The following ARFIP1 variants were observed in gnomAD, a reference collection of about 807,000 sequenced individuals.
The protein encoded by ARFIP1 is arfaptin-1.
ARFIP1 carries 24 observed loss-of-function variants against 42.5 expected under a neutral mutation model. The ratio of observed to expected loss-of-function variants is 0.57; its 90% confidence interval spans 0.41 to 0.80. The LOEUF (loss-of-function observed/expected upper bound fraction) is 0.80. ARFIP1 is among the 30% of genes least tolerant of loss of function. The probability of loss-of-function intolerance (pLI) is 0.00; values close to 1 mark genes in which losing one functional copy is unlikely to be tolerated. For synonymous variants in ARFIP1, 141 were observed against 153.7 expected (o/e 0.92, Z 0.61); for missense variants, 354 against 434.0 (o/e 0.82, Z 1.64).
intron 2 of ARFIP1, among the ~76,000 whole-genome samples, chr4:152,852,479 A>G (rs940336714): frequency 1.3e-5 from 2 of 152,080 alleles, no homozygotes; most frequent in African/African-American, 4.8e-5. Context: ...AAAATACAAA[A>G]GAAATTAGCC....
rs2149920305 is a variant in ARFIP1, at chr4:152,910,847, C to T, written c.*628C>T. Reference sequence around the variant, plus strand: ...TTTAAAGACACAGAAATCACACTGTCATTTCTGTGAGGCTTTTAAGCTTAT... The same window carrying T: ...TTTAAAGACACAGAAATCACACTGTTATTTCTGTGAGGCTTTTAAGCTTAT... On this transcript the variant is annotated 3_prime_UTR_variant, in exon 9 of 9. Transcript: ENST00000353617. 6.6e-6 allele frequency: 1 copy of T among 152,312 alleles called. No homozygotes were observed. Among genetic ancestry groups the T allele is most frequent in the East Asian group, 1.9e-4 (1 of 5,188 alleles). The allele number at this position is 152,312 out of a possible 1,614,324, so 9.4% of individuals were successfully genotyped here.
At chr4:152,842,792 A>G (rs1160557166) in intron 2 of ARFIP1, among the ~76,000 whole-genome samples, 1 of 151,346 alleles carries the variant, frequency 6.6e-6, no homozygotes, top group Admixed American at 6.6e-5. Flanking sequence ...TATACTATCT[A>G]TTTCCTTGAA....
In ARFIP1 at chr4:152,873,118, T is replaced by G. The variant is rs190483141; in HGVS notation, c.411+554T>G. ...AGCAAATTATTTAACCCATATTGTA[T>G]TTGATGTATTACAAACAGCTCAACC... is the stretch of plus-strand genomic sequence containing the variant. On this transcript the variant is annotated intron_variant, in intron 5 of 8. Transcript: ENST00000353617. 3.3e-5 allele frequency among the ~76,000 whole-genome samples: 5 copies of G among 152,308 alleles called. No homozygotes were observed. The East Asian group carries it at 9.6e-4, about 29-fold the overall frequency.
intron 2 of ARFIP1, among the ~76,000 whole-genome samples, chr4:152,852,449 G>A (rs572166582): frequency 8.5e-5 from 13 of 152,152 alleles, no homozygotes; most frequent in Non-Finnish European, 1.3e-4. Context: ...TGGGCAACAC[G>A]GTGAAACCCT....
intron 1 of ARFIP1, among the ~76,000 whole-genome samples, chr4:152,809,185 T>C (rs1335588342): frequency 6.6e-6 from 1 of 152,212 alleles, no homozygotes; most frequent in African/African-American, 2.4e-5. Flanking sequence ...TCCTCTCTTA[T>C]ATAGGGCATG....
At chr4:152,818,136 A>C (rs1224362499) in intron 1 of ARFIP1, among the ~76,000 whole-genome samples, 1 of 152,246 alleles carries the variant, frequency 6.6e-6, no homozygotes, top group Non-Finnish European at 1.5e-5. Context: ...TGGAAAAACA[A>C]AATAGTGTGT....
chr4:152,876,988 TGG>T (rs1735403368), intron 5 of ARFIP1, among the ~76,000 whole-genome samples: 4 of 152,174 alleles, frequency 2.6e-5, no homozygotes, highest in Admixed American at 2.0e-4. Context: ...TGGAAATGCC[TGG>T]GTGCCCAGGC....
chr4:152,781,856 T>C (rs1178740577), intron 1 of ARFIP1, among the ~76,000 whole-genome samples: 1 of 152,218 alleles, frequency 6.6e-6, no homozygotes, highest in East Asian at 1.9e-4. Context: ...GGCCTAAGGG[T>C]CAACAACTTT....
intron 4 of ARFIP1, among the ~76,000 whole-genome samples, chr4:152,871,061 AACTT>A (rs2149883269): frequency 1.3e-5 from 2 of 152,360 alleles, no homozygotes; most frequent in East Asian, 3.9e-4. Context: ...TCACACCTGA[AACTT>A]AATCCATTTT....
At chr4:152,859,201 A>C in intron 2 of ARFIP1, among the ~76,000 whole-genome samples, 1 of 152,120 alleles carries the variant, frequency 6.6e-6, no homozygotes, top group East Asian at 1.9e-4. Flanking sequence ...AGCTAGGACT[A>C]TAGGCTCATG....
chr4:152,866,440 G>C (rs1734349117), intron 3 of ARFIP1, among the ~76,000 whole-genome samples: 1 of 151,962 alleles, frequency 6.6e-6, no homozygotes. Flanking sequence ...TCCCAGTAGG[G>C]GCGGCCGGGC....
rs138650358 is a variant in ARFIP1 at position 152,887,380 on chromosome 4, C to A, written c.792-753C>A. Reference sequence around the variant, plus strand: ...TGTTACATTCTGAATACTGATGTTACAGAAATTCATCTAGAGTTGTGTTGT... The same window carrying A: ...TGTTACATTCTGAATACTGATGTTAAAGAAATTCATCTAGAGTTGTGTTGT... On this transcript the variant is annotated intron_variant, in intron 7 of 8. Transcript: ENST00000353617. Among the ~76,000 whole-genome samples, 832 of 152,028 alleles carry A rather than the reference C, an allele frequency of 5.5e-3. 28 individuals are homozygous for A. Among genetic ancestry groups the A allele is most frequent in the East Asian group, 0.01 (53 of 5,178 alleles).
chr4:152,799,934 C>T (rs1427464455), intron 1 of ARFIP1, among the ~76,000 whole-genome samples: 2 of 152,130 alleles, frequency 1.3e-5, no homozygotes, highest in African/African-American at 2.4e-5. Context: ...GTCTGGATGA[C>T]GGTGATCTGA....
At chr4:152,812,778 C>G (rs1490845841) in intron 1 of ARFIP1, among the ~76,000 whole-genome samples, 1 of 152,160 alleles carries the variant, frequency 6.6e-6, no homozygotes, top group Non-Finnish European at 1.5e-5. Flanking sequence ...TTTCTAGTTG[C>G]CCAAGCCATA....
chr4:152,821,835 A>C (rs1198399617), intron 1 of ARFIP1, among the ~76,000 whole-genome samples: 3 of 152,212 alleles, frequency 2.0e-5, no homozygotes, highest in African/African-American at 7.2e-5. Context: ...TCCTATCTTT[A>C]GTCTCATTAA....
chr4:152,883,958 T>C (rs1736065665), intron 7 of ARFIP1, among the ~76,000 whole-genome samples: 1 of 151,996 alleles, frequency 6.6e-6, no homozygotes, highest in South Asian at 2.1e-4. Flanking sequence ...AGTTTAATGG[T>C]ATGAGAAATA....
intron 7 of ARFIP1, among the ~76,000 whole-genome samples, chr4:152,887,299 CAG>C (rs376627330): frequency 2.0e-5 from 3 of 151,970 alleles, no homozygotes; most frequent in African/African-American, 7.2e-5. Context: ...GGGAGAATAT[CAG>C]AGTGAGGCAT....
chr4:152,791,625 A>G (rs936097248), intron 1 of ARFIP1, among the ~76,000 whole-genome samples: 1 of 152,076 alleles, frequency 6.6e-6, no homozygotes, highest in East Asian at 1.9e-4. Context: ...TAATTTTGCA[A>G]ATTTCTTAGT....
intron 8 of ARFIP1, among the ~76,000 whole-genome samples, chr4:152,904,786 G>A (rs1253440266): frequency 2.0e-5 from 3 of 152,006 alleles, no homozygotes; most frequent in East Asian, 3.8e-4. Context: ...TCTTTATCTG[G>A]TCTATCATTG....
Sources: allele counts gnomAD v4.1 joint callset (sites outside exome capture counted in the v4.1 genomes callset), GRCh38; gene constraint gnomAD v4.1.1; transcripts MANE v1.5; gene names NCBI Gene and HGNC (gene_info 2026-07-23, HGNC 2026-07-21).